The following RASEF variants were observed in gnomAD, a reference collection of about 807,000 sequenced individuals.
The protein encoded by RASEF is ras and EF-hand domain-containing protein.
Under a neutral mutation model 90.1 loss-of-function variants are expected in RASEF, and 68 were observed. That is an observed-to-expected ratio of 0.75 (90% CI 0.62 to 0.92). RASEF has a LOEUF of 0.92. Ranked by LOEUF, RASEF falls within the 40% of genes least tolerant of loss-of-function variation. RASEF has a pLI of 0.00. For synonymous variants in RASEF, 331 were observed against 345.2 expected (o/e 0.96, Z 0.46); for missense variants, 949 against 937.2 (o/e 1.01, Z -0.16).
At chr9:83,107,230 C>T in the RASEF span, among the ~76,000 whole-genome samples, 1 of 152,200 alleles carries the variant, frequency 6.6e-6, no homozygotes, top group African/African-American at 2.4e-5. Flanking sequence ...CTCCACTTCT[C>T]TTACATTGGT....
rs540767740 is a variant in RASEF, at chr9:82,981,804, T to G, written c.*873A>C. 1 of 152,304 alleles carries G rather than the reference T, an allele frequency of 6.6e-6. No individual in the cohort carries two copies. The highest frequency in any genetic ancestry group is 1.9e-4 in the East Asian group (1 of 5,186). The allele number at this position is 152,304 out of a possible 1,614,324, so 9.4% of individuals were successfully genotyped here. On this transcript the variant is annotated 3_prime_UTR_variant, in exon 17 of 17. Coordinates refer to ENST00000376447, the MANE Select transcript of RASEF (RefSeq NM_152573.4). ...AGCCCCTGGCAACCACTCCCTTAAG[T>G]GAAGAGTGACAACTTTCCTGGGCAT...
the RASEF span, among the ~76,000 whole-genome samples, chr9:83,180,417 T>C: frequency 1.2e-3 from 177 of 152,108 alleles, no homozygotes; most frequent in African/African-American, 3.9e-3. Context: ...AGCAGTTTTA[T>C]TCAAGTCAGT....
chr9:83,074,366 G>A, the RASEF span, among the ~76,000 whole-genome samples: 5 of 152,278 alleles, frequency 3.3e-5, no homozygotes, highest in South Asian at 1.0e-3. Context: ...TCAAACTTGA[G>A]AATTACAAGT....
chr9:83,190,612 T>C, the RASEF span, among the ~76,000 whole-genome samples: 1 of 152,220 alleles, frequency 6.6e-6, no homozygotes, highest in Non-Finnish European at 1.5e-5. Flanking sequence ...GATGCCAACA[T>C]TGCATATTAG....
chr9:83,062,519 T>C lies in RASEF; in HGVS notation c.349A>G (p.Thr117Ala). 1 of 1,609,340 alleles carries C rather than the reference T, an allele frequency of 6.2e-7. No individual in the cohort carries two copies. The highest frequency in any genetic ancestry group is 8.5e-7 in the Non-Finnish European group (1 of 1,178,340). ...GDEDAAAALA[T>A]SCGPASPGRA... ...CCGGGACTCGCCGGGCCGCACGAGG[T>C]GGCCAGCGCCGCCGCCGCGTCCTCG... Residue 117 changes from threonine to alanine, a missense_variant, in exon 1 of 17, where the codon ACC becomes GCC. Around this residue, in one of 3 missense-constraint regions of RASEF, gnomAD observed 656 missense variants for 592.2 expected, o/e 1.11. Coordinates refer to ENST00000376447, the MANE Select transcript of RASEF (RefSeq NM_152573.4).
At chr9:83,151,335 G>A in the RASEF span, among the ~76,000 whole-genome samples, 7 of 152,098 alleles carry the variant, frequency 4.6e-5, no homozygotes, top group African/African-American at 1.7e-4. Context: ...ATTTCCAAGA[G>A]GCCTGTTAGG....
chr9:83,049,529 C>CTTTTTTTTTTT (rs10687615), intron 1 of RASEF, among the ~76,000 whole-genome samples: 35 of 99,070 alleles, frequency 3.5e-4, no homozygotes, highest in African/African-American at 4.7e-4. Flanking sequence ...TTCTGCCTTC[C>CTTTTTTTTTTT]TTTTTTTTTT....
chr9:83,170,584 T>C, the RASEF span, among the ~76,000 whole-genome samples: 106 of 152,016 alleles, frequency 7.0e-4, no homozygotes, highest in African/African-American at 2.5e-3. Context: ...TGTGTCCTCT[T>C]CAATTTCTTT....
chr9:83,097,713 C>G, the RASEF span, among the ~76,000 whole-genome samples: 1 of 152,234 alleles, frequency 6.6e-6, no homozygotes, highest in East Asian at 1.9e-4. Flanking sequence ...TACCATCTCA[C>G]ACCAGTTAGA....
At chr9:82,992,764 C>T in intron 15 of RASEF, 142 bp downstream of exon 15, 1 of 753,360 alleles carries the variant, frequency 1.3e-6, no homozygotes, top group Non-Finnish European at 2.2e-6. Flanking sequence ...GCAGTTTTGC[C>T]TGTGTTAAGG....
the RASEF span, among the ~76,000 whole-genome samples, chr9:83,101,331 G>A: frequency 6.6e-6 from 1 of 151,954 alleles, no homozygotes; most frequent in Non-Finnish European, 1.5e-5. Context: ...TGATATTCGG[G>A]GTCTGCAGGT....
At chr9:83,043,220 G>T (rs559844139) in intron 1 of RASEF, among the ~76,000 whole-genome samples, 8 of 152,274 alleles carry the variant, frequency 5.3e-5, no homozygotes, top group African/African-American at 1.9e-4. Flanking sequence ...TAAATCAATT[G>T]CGGTATTTTC....
intron 16 of RASEF, among the ~76,000 whole-genome samples, chr9:82,987,059 A>T (rs1828722784): frequency 6.6e-6 from 1 of 152,192 alleles, no homozygotes; most frequent in South Asian, 2.1e-4. Context: ...GTTTTATGAC[A>T]TTATATGATC....
chr9:83,108,712 A>G, the RASEF span, among the ~76,000 whole-genome samples: 1 of 152,192 alleles, frequency 6.6e-6, no homozygotes, highest in African/African-American at 2.4e-5. Context: ...AAATTACTCT[A>G]CTGAGAACCA....
At chr9:83,017,643 A>G (rs1829368260) in intron 3 of RASEF, among the ~76,000 whole-genome samples, 1 of 152,264 alleles carries the variant, frequency 6.6e-6, no homozygotes, top group Admixed American at 6.5e-5. Context: ...GTAGTGGTTC[A>G]GATCAACTCT....
At chr9:83,194,901 C>T in the RASEF span, among the ~76,000 whole-genome samples, 1 of 152,218 alleles carries the variant, frequency 6.6e-6, no homozygotes, top group Non-Finnish European at 1.5e-5. Flanking sequence ...TCTGATACTA[C>T]AGAAGGTTAT....
chr9:83,085,531 A>G, the RASEF span, among the ~76,000 whole-genome samples: 1 of 152,014 alleles, frequency 6.6e-6, no homozygotes, highest in Non-Finnish European at 1.5e-5. Context: ...GCTGCTTAGG[A>G]GGCTGAGATG....
chr9:83,151,460 T>C, the RASEF span, among the ~76,000 whole-genome samples: 2 of 152,152 alleles, frequency 1.3e-5, no homozygotes, highest in African/African-American at 4.8e-5. Flanking sequence ...GACTTCTTAG[T>C]ATGTAGGTAA....
chr9:83,141,143 C>CAAAAAAAA, the RASEF span, among the ~76,000 whole-genome samples: 1 of 108,900 alleles, frequency 9.2e-6, no homozygotes, highest in African/African-American at 3.4e-5. Context: ...AATTCCATCT[C>CAAAAAAAA]AAAAAAAAAA....
Sources: allele counts gnomAD v4.1 joint callset (sites outside exome capture counted in the v4.1 genomes callset), GRCh38; gene constraint gnomAD v4.1.1; regional missense constraint gnomAD v4.1.1; transcripts MANE v1.5; gene names NCBI Gene and HGNC (gene_info 2026-07-23, HGNC 2026-07-21).